Variants in HTR4 observed in about 807,000 individuals in gnomAD.
HTR4 encodes 5-hydroxytryptamine (serotonin) receptor 4, G protein-coupled.
In HTR4, 16 loss-of-function variants were observed where a neutral mutation model predicts 36.8. The ratio of observed to expected loss-of-function variants is 0.43; its 90% CI spans 0.29 to 0.66. HTR4 has a LOEUF of 0.66. Among genes scored for constraint, HTR4 ranks in the 30% least tolerant of loss-of-function variants. The pLI is 0.13. For synonymous variants in HTR4, 189 were observed against 185.1 expected (o/e 1.02, Z -0.17); for missense variants, 438 against 490.9 (o/e 0.89, Z 1.02).
intron 2 of HTR4, among the ~76,000 whole-genome samples, chr5:148,626,623 C>A (rs572175614): frequency 6.6e-6 from 1 of 152,236 alleles, no homozygotes; most frequent in Non-Finnish European, 1.5e-5. Context: ...CAGTTTTAAC[C>A]TTTGGATACT....
At chr5:148,480,230 C>T (rs912693106), downstream of HTR4, among the ~76,000 whole-genome samples, 1 of 152,232 alleles carries the variant, frequency 6.6e-6, no homozygotes, top group African/African-American at 2.4e-5. Context: ...AGCCTGTAGT[C>T]CCTTACTTTG....
chr5:148,517,115 A>T (rs1418383837), intron 5 of HTR4, among the ~76,000 whole-genome samples: 1 of 152,228 alleles, frequency 6.6e-6, no homozygotes, highest in East Asian at 1.9e-4. Context: ...TAGCTTTGAT[A>T]GTCATGCTTA....
intron 2 of HTR4, chr5:148,628,744 G>A (rs994666414): frequency 2.0e-5 from 3 of 152,164 alleles, no homozygotes; most frequent in Admixed American, 2.0e-4. Context: ...TGCTTTGTAG[G>A]ACTGCAAGAA....
rs1753034788 is a variant in HTR4, at chr5:148,624,775, T to C, written c.26+12214A>G. Reference sequence around the variant, plus strand: ...TGGAGATGGGTAATGGTTATTAATATCCACTGGGCACAAAACTTTCTATGA... The same window carrying C: ...TGGAGATGGGTAATGGTTATTAATACCCACTGGGCACAAAACTTTCTATGA... On this transcript the variant is annotated intron_variant, in intron 2 of 6. Transcript: ENST00000377888. Among the ~76,000 whole-genome samples, 6 of 152,232 alleles carry C rather than the reference T, an allele frequency of 3.9e-5. No homozygotes were observed. The South Asian group carries it at 1.0e-3, about 26-fold the overall frequency.
At chr5:148,573,831 A>G (rs889464255) in intron 2 of HTR4, among the ~76,000 whole-genome samples, 2 of 151,944 alleles carry the variant, frequency 1.3e-5, no homozygotes, top group East Asian at 1.9e-4. Context: ...AAAGGAGTGC[A>G]GGTTAATGAC....
At chr5:148,604,813 T>C (rs1752080755) in intron 2 of HTR4, among the ~76,000 whole-genome samples, 1 of 152,224 alleles carries the variant, frequency 6.6e-6, no homozygotes, top group Non-Finnish European at 1.5e-5. Flanking sequence ...TAATTACCTT[T>C]GCAGGGTAGA....
In HTR4 at chr5:148,509,664, G is replaced by A; in HGVS notation, c.868C>T (p.Pro290Ser). Residue 290 changes from proline (P) to serine (S), a missense_variant, in exon 6 of 7, where the codon CCT becomes TCT. Pro to Ser is a moderately conservative substitution (Grantham distance 74). Coordinates refer to ENST00000377888, the MANE Select transcript of HTR4 (RefSeq NM_000870.7). Reference sequence around the variant, plus strand: ...AGGAAAGCAGTCCACACCTGCCCAGGGACAGTGTAGTCTATGAAAGGATCC... The same window carrying A: ...AGGAAAGCAGTCCACACCTGCCCAGAGACAGTGTAGTCTATGAAAGGATCC... Reference protein sequence around the residue: ...IVDPFIDYTVPGQVWTAFLWL... With the variant: ...IVDPFIDYTVSGQVWTAFLWL... The A allele has an allele frequency of 6.2e-7, 1 of 1,614,066 alleles. No homozygotes were observed. Among genetic ancestry groups the A allele is most frequent in the South Asian group, 1.1e-5 (1 of 91,080 alleles).
At chr5:148,490,994 T>C (rs530166092) in intron 6 of HTR4, 38 of 357,776 alleles carry the variant, frequency 1.1e-4, no homozygotes, top group South Asian at 8.5e-4. Flanking sequence ...CTCCGGCTTG[T>C]CAATTCCCGG....
intron 2 of HTR4, among the ~76,000 whole-genome samples, chr5:148,586,118 CAT>C (rs761791601): frequency 3.3e-5 from 5 of 152,032 alleles, no homozygotes; most frequent in Non-Finnish European, 7.4e-5. Flanking sequence ...TTTTTTTCCA[CAT>C]GTTTGTTGTT....
At chr5:148,566,671 CTG>C (rs1348596436) in intron 2 of HTR4, among the ~76,000 whole-genome samples, 1 of 152,104 alleles carries the variant, frequency 6.6e-6, no homozygotes, top group Non-Finnish European at 1.5e-5. Context: ...TAGAGTAACA[CTG>C]AAATGCAAAT....
At chr5:148,626,461 G>T (rs1172707012) in intron 2 of HTR4, among the ~76,000 whole-genome samples, 1 of 152,178 alleles carries the variant, frequency 6.6e-6, no homozygotes, top group Admixed American at 6.5e-5. Context: ...CATAAAGAAT[G>T]TATTTACTAT....
At chr5:148,535,454 T>C (rs978726264) in intron 4 of HTR4, among the ~76,000 whole-genome samples, 2 of 151,892 alleles carry the variant, frequency 1.3e-5, no homozygotes, top group African/African-American at 4.8e-5. Flanking sequence ...TTCAGCAAAA[T>C]GGCAAAACCC....
At chr5:148,603,439 G>A (rs74929219) in intron 2 of HTR4, among the ~76,000 whole-genome samples, 18,804 of 151,926 alleles carry the variant, frequency 0.12, 1,272 homozygotes, top group African/African-American at 0.16. Context: ...ACTTAATAGG[G>A]AAATGCTAAA....
intron 2 of HTR4, among the ~76,000 whole-genome samples, chr5:148,610,645 T>G (rs1752385596): frequency 6.6e-6 from 1 of 151,954 alleles, no homozygotes; most frequent in East Asian, 1.9e-4. Flanking sequence ...GGAACGCAGC[T>G]CCTCACCAGC....
chr5:148,647,746 G>A (rs759508720), intron 1 of HTR4, among the ~76,000 whole-genome samples: 1 of 152,318 alleles, frequency 6.6e-6, no homozygotes, highest in South Asian at 2.1e-4. Context: ...CTACTCGGGC[G>A]GCTGAAGCAG....
chr5:148,596,020 C>A (rs185153180), intron 2 of HTR4, among the ~76,000 whole-genome samples: 1 of 152,342 alleles, frequency 6.6e-6, no homozygotes, highest in Admixed American at 6.5e-5. Context: ...ACTGTGGCTG[C>A]AAATCAATTG....
At chr5:148,453,670 GC>G (rs1755028457) in intron 5 of HTR4, among the ~76,000 whole-genome samples, 1 of 152,128 alleles carries the variant, frequency 6.6e-6, no homozygotes, top group African/African-American at 2.4e-5. Context: ...CGTCAGCAAG[GC>G]AGCCAGGGCC....
At chr5:148,451,445 G>A (rs1325592791) in intron 5 of HTR4, among the ~76,000 whole-genome samples, 1 of 152,048 alleles carries the variant, frequency 6.6e-6, no homozygotes, top group Non-Finnish European at 1.5e-5. Flanking sequence ...CAAATGAACT[G>A]CACCCAGATT....
intron 2 of HTR4, among the ~76,000 whole-genome samples, chr5:148,607,345 C>G (rs1423155847): frequency 3.3e-5 from 5 of 152,150 alleles, no homozygotes; most frequent in Admixed American, 2.0e-4. Flanking sequence ...AGTTGAGATA[C>G]TTTTCAAGCT....
Sources: gnomAD v4.1 joint callset for allele counts (sites outside exome capture counted in the v4.1 genomes callset) on GRCh38, gnomAD v4.1.1 for gene constraint, MANE v1.5 for transcripts, NCBI Gene and HGNC (gene_info 2026-07-23, HGNC 2026-07-21) for gene names.